RGS17: variants seen among roughly 807,000 people sequenced by gnomAD.
The protein encoded by RGS17 is regulator of G-protein signaling 17.
A neutral mutation model predicts 25.5 loss-of-function variants in RGS17; 12 were observed. That is an observed-to-expected ratio of 0.47 (90% CI 0.30 to 0.76). RGS17 has a LOEUF of 0.76. Ranked by LOEUF, RGS17 falls within the 30% of genes least tolerant of loss-of-function variation. RGS17 has a pLI of 0.07. For missense variants in RGS17, 196 were observed against 242.2 expected, an observed-to-expected ratio of 0.81 and a Z score of 1.27; for synonymous variants, 71 against 76.9, an observed-to-expected ratio of 0.92 and a Z score of 0.40.
At chr6:153,063,989 A>G in intron 1 of RGS17, among the ~76,000 whole-genome samples, 1 of 152,148 alleles carries the variant, frequency 6.6e-6, no homozygotes, top group Non-Finnish European at 1.5e-5. Context: ...AATAATAAAT[A>G]TGACAAAAAT....
chr6:153,071,046 CAT>C (rs567709411), intron 1 of RGS17, among the ~76,000 whole-genome samples: 171 of 149,362 alleles, frequency 1.1e-3, no homozygotes, highest in African/African-American at 3.9e-3. Flanking sequence ...CGTATATGTA[CAT>C]GTGTATACGC....
intron 1 of RGS17, among the ~76,000 whole-genome samples, chr6:153,046,854 A>G (rs926197881): frequency 1.3e-5 from 2 of 152,316 alleles, no homozygotes; most frequent in Admixed American, 6.5e-5. Context: ...TAGAACTGGA[A>G]GAAAACAAAA....
intron 3 of RGS17, among the ~76,000 whole-genome samples, chr6:153,025,312 T>TAA (rs764258146): frequency 7.1e-6 from 1 of 140,576 alleles, no homozygotes; most frequent in African/African-American, 2.6e-5. Context: ...ATCCTGCCTC[T>TAA]AAAAAAAAAA....
At chr6:153,095,394 T>C (rs1285321484) in intron 1 of RGS17, among the ~76,000 whole-genome samples, 1 of 152,128 alleles carries the variant, frequency 6.6e-6, no homozygotes, top group African/African-American at 2.4e-5. Flanking sequence ...GAAATAGTAT[T>C]GTTATGTTCA....
chr6:153,023,380 A>C (rs754628025), intron 4 of RGS17: 1 of 510,794 alleles, frequency 2.0e-6, no homozygotes, highest in Non-Finnish European at 3.9e-6. Context: ...AAGAGAAGAC[A>C]TTCTAGGAAC....
rs1252722919 is a variant in RGS17, at chr6:153,010,939, A to G, written c.*635T>C. ...CATAGTAAACTCTCCTGTAATGAAA[A>G]TGCCACAGTTTTGGCAGTGAACAAC... On this transcript the variant is annotated 3_prime_UTR_variant, in exon 5 of 5. Coordinates refer to ENST00000206262, the MANE Select transcript of RGS17 (RefSeq NM_012419.5). The G allele has an allele frequency of 4.6e-5, 7 of 150,640 alleles. No homozygotes were observed. Among genetic ancestry groups the G allele is most frequent in the African/African-American group, 1.7e-4 (7 of 40,832 alleles). The allele number at this position is 150,640 out of a possible 1,614,324, so 9.3% of individuals were successfully genotyped here.
At position 153,129,695 on chromosome 6, in the gene RGS17, C is replaced by T. The variant is rs1777757911; in HGVS notation, c.-26+1429G>A. Among the ~76,000 whole-genome samples the T allele has an allele frequency of 2.0e-5, 3 of 152,296 alleles. No individual in the cohort carries two copies. In the South Asian group the frequency reaches 6.2e-4, roughly 32 times the overall value. The stretch of plus-strand genomic sequence containing the variant: ...TCTTTATTATTTGTGAAAGCCATCC[C>T]ACGCTGGAGAGAATCTCGCCGTAAA... On this transcript the variant is annotated intron_variant, in intron 1 of 4. Transcript: ENST00000206262.
In RGS17 at chr6:153,109,818, G is replaced by A. The variant is rs150208232; in HGVS notation, c.-26+21306C>T. Among the ~76,000 whole-genome samples the A allele has an allele frequency of 1.0e-3, 154 of 152,298 alleles. 1 individual carries two copies. The highest frequency in any genetic ancestry group is 3.0e-3 in the African/African-American group (125 of 41,558). On this transcript the variant is annotated intron_variant, in intron 1 of 4. Transcript: ENST00000206262. ...TGAGTCTAAAACCTTTTGCTTGTCC[G>A]GAACCTTGGGGAAATTCCACTATCT...
At chr6:153,116,892 G>A (rs989509460) in intron 1 of RGS17, among the ~76,000 whole-genome samples, 1 of 152,124 alleles carries the variant, frequency 6.6e-6, no homozygotes, top group Non-Finnish European at 1.5e-5. Context: ...CATGGACACA[G>A]GAAGTGGAAC....
intron 4 of RGS17, among the ~76,000 whole-genome samples, chr6:153,023,949 C>A (rs1584121438): frequency 6.6e-6 from 1 of 152,138 alleles, no homozygotes; most frequent in South Asian, 2.1e-4. Flanking sequence ...CGAAATACCA[C>A]CCTAAAATAC....
intron 1 of RGS17, among the ~76,000 whole-genome samples, chr6:153,056,125 T>C (rs561484023): frequency 6.6e-6 from 1 of 152,318 alleles, no homozygotes; most frequent in African/African-American, 2.4e-5. Context: ...CAGAAATACG[T>C]TTTCTAAAAC....
At chr6:153,117,456 C>G (rs1777562124) in intron 1 of RGS17, among the ~76,000 whole-genome samples, 1 of 152,192 alleles carries the variant, frequency 6.6e-6, no homozygotes, top group Non-Finnish European at 1.5e-5. Context: ...CAGGCACTAT[C>G]AAACAATCTC....
chr6:153,102,145 G>C (rs1243750166), intron 1 of RGS17, among the ~76,000 whole-genome samples: 2 of 152,198 alleles, frequency 1.3e-5, no homozygotes, highest in African/African-American at 4.8e-5. Flanking sequence ...ACTTAACTCA[G>C]TGCTAACAGT....
At chr6:153,043,127 A>G (rs1027176954) in intron 2 of RGS17, among the ~76,000 whole-genome samples, 2 of 152,204 alleles carry the variant, frequency 1.3e-5, no homozygotes, top group East Asian at 3.9e-4. Context: ...TCCCTGGATC[A>G]TGGATGTTCA....
At chr6:153,095,179 TTTTG>T (rs1180592493) in intron 1 of RGS17, among the ~76,000 whole-genome samples, 1 of 152,144 alleles carries the variant, frequency 6.6e-6, no homozygotes, top group African/African-American at 2.4e-5. Flanking sequence ...TGAAATTTGG[TTTTG>T]TTTATTTCTC....
At chr6:153,120,593 C>G (rs1319267579) in intron 1 of RGS17, among the ~76,000 whole-genome samples, 1 of 152,130 alleles carries the variant, frequency 6.6e-6, no homozygotes, top group Non-Finnish European at 1.5e-5. Context: ...ACTGATGAAG[C>G]GCCTGTCCCA....
intron 1 of RGS17, among the ~76,000 whole-genome samples, chr6:153,114,504 A>G (rs4634469): frequency 7.9e-5 from 12 of 152,030 alleles, no homozygotes; most frequent in African/African-American, 2.9e-4. Flanking sequence ...CCAGAGATAC[A>G]AAGAGGAGCT....
chr6:153,094,525 A>T (rs571189796), intron 1 of RGS17, among the ~76,000 whole-genome samples: 1 of 152,284 alleles, frequency 6.6e-6, no homozygotes, highest in African/African-American at 2.4e-5. Flanking sequence ...TGATTTTGAT[A>T]CTTTTTGAAA....
chr6:153,060,847 C>T (rs1437969652), intron 1 of RGS17, among the ~76,000 whole-genome samples: 1 of 151,962 alleles, frequency 6.6e-6, no homozygotes, highest in Non-Finnish European at 1.5e-5. Context: ...ATTCTGAACC[C>T]AGTATTTCAT....
Sources: allele counts gnomAD v4.1 joint callset (sites outside exome capture counted in the v4.1 genomes callset), GRCh38; gene constraint gnomAD v4.1.1; transcripts MANE v1.5; gene names NCBI Gene and HGNC (gene_info 2026-07-23, HGNC 2026-07-21).